The following DGKB variants were observed in gnomAD, a reference collection of about 807,000 sequenced individuals.
DGKB encodes the protein diacylglycerol kinase beta, also known as 90 kDa diacylglycerol kinase.
In DGKB, 67 loss-of-function variants were observed where a neutral mutation model predicts 114.3. That is an observed-to-expected ratio of 0.59 (90% confidence interval 0.48 to 0.72). The LOEUF is 0.72. Ranked by LOEUF, DGKB falls within the 30% of genes least tolerant of loss-of-function variation. The pLI is 0.00. For missense variants in DGKB, 907 were observed against 975.2 expected (o/e 0.93, Z 0.93); for synonymous variants, 398 against 323.1 (o/e 1.23, Z -2.49).
intron 23 of DGKB, among the ~76,000 whole-genome samples, chr7:14,219,136 A>G (rs1414935016): frequency 6.6e-6 from 1 of 151,916 alleles, no homozygotes; most frequent in African/African-American, 2.4e-5. Context: ...ATTTATTTGT[A>G]TGAATATACC....
intron 2 of DGKB, among the ~76,000 whole-genome samples, chr7:14,770,329 T>A (rs1586371036): frequency 6.6e-6 from 1 of 152,010 alleles, no homozygotes; most frequent in African/African-American, 2.4e-5. Flanking sequence ...GTGGTATAGC[T>A]CTGAGAATGT....
chr7:14,336,888 A>C (rs74651820), intron 23 of DGKB, among the ~76,000 whole-genome samples: 2,354 of 152,290 alleles, frequency 0.015, 27 homozygotes, highest in East Asian at 0.032. Flanking sequence ...TTGAGAATCA[A>C]TTTGTATAAG....
chr7:14,587,396 A>C (rs528442368), intron 17 of DGKB, among the ~76,000 whole-genome samples: 1 of 152,240 alleles, frequency 6.6e-6, no homozygotes, highest in African/African-American at 2.4e-5. Flanking sequence ...ATAAGCAAAA[A>C]AAGAGGGTTT....
intron 1 of DGKB, among the ~76,000 whole-genome samples, chr7:14,869,339 C>T (rs1852127616): frequency 1.3e-5 from 2 of 152,158 alleles, no homozygotes; most frequent in South Asian, 2.1e-4. Context: ...CAGGATTATA[C>T]ACTTAAGGTT....
At chr7:14,249,368 G>A (rs1012330079) in intron 23 of DGKB, among the ~76,000 whole-genome samples, 1 of 152,102 alleles carries the variant, frequency 6.6e-6, no homozygotes. Context: ...AAATTAGTCG[G>A]GAGGTATTCC....
chr7:14,828,527 T>A (rs926160948), intron 2 of DGKB, among the ~76,000 whole-genome samples: 36 of 152,080 alleles, frequency 2.4e-4, no homozygotes, highest in African/African-American at 7.0e-4. Context: ...TGAATTCCCC[T>A]CAAAACGACA....
intron 23 of DGKB, among the ~76,000 whole-genome samples, chr7:14,276,654 T>G (rs2128444433): frequency 6.8e-6 from 1 of 147,970 alleles, no homozygotes; most frequent in African/African-American, 2.7e-5. Flanking sequence ...GTTTCTAATT[T>G]TTTGGTGCTT....
intron 1 of DGKB, among the ~76,000 whole-genome samples, chr7:14,912,290 T>C (rs1392553082): frequency 2.0e-5 from 3 of 152,178 alleles, no homozygotes; most frequent in Admixed American, 6.6e-5. Context: ...CCCAGTCCTA[T>C]AGTGGTTTCT....
chr7:14,316,723 C>G (rs923397788), intron 23 of DGKB, among the ~76,000 whole-genome samples: 1 of 150,140 alleles, frequency 6.7e-6, no homozygotes, highest in Non-Finnish European at 1.5e-5. Flanking sequence ...GAATTGGTAC[C>G]ATTCCTTCTG....
At chr7:14,690,705 T>G (rs755564227) in intron 9 of DGKB, among the ~76,000 whole-genome samples, 16 of 152,246 alleles carry the variant, frequency 1.1e-4, no homozygotes, top group Non-Finnish European at 1.8e-4. Context: ...ATAGCCAAAA[T>G]TACTTAATAT....
chr7:14,821,779 G>C (rs938803153), intron 2 of DGKB, among the ~76,000 whole-genome samples: 1 of 152,172 alleles, frequency 6.6e-6, no homozygotes, highest in Admixed American at 6.5e-5. Flanking sequence ...TGGCCTCTCT[G>C]TGTGGAGGAC....
At chr7:14,339,119 A>G (rs1811176327) in intron 22 of DGKB, among the ~76,000 whole-genome samples, 1 of 151,978 alleles carries the variant, frequency 6.6e-6, no homozygotes, top group Non-Finnish European at 1.5e-5. Context: ...ACTGCAAGGT[A>G]CTATTGGGGG....
chr7:14,386,644 C>T (rs1378481995), intron 21 of DGKB, among the ~76,000 whole-genome samples: 1 of 152,174 alleles, frequency 6.6e-6, no homozygotes, highest in Admixed American at 6.5e-5. Flanking sequence ...ATTACTGCTG[C>T]CCTCAGTCTA....
At chr7:14,471,501 A>T (rs926492099) in intron 21 of DGKB, among the ~76,000 whole-genome samples, 8 of 149,950 alleles carry the variant, frequency 5.3e-5, no homozygotes, top group Non-Finnish European at 8.9e-5. Flanking sequence ...TATACTGCTG[A>T]CATATAAATT....
Position 14,288,498 on chromosome 7 carries a change from A to T in DGKB, c.2122+50017T>A, listed in dbSNP as rs527754719. ...TTATGCCTAATTGACAATTGCTGTC[A>T]TTTACTTCTGGCCAACTTAAGAGTC... On this transcript the variant is annotated intron_variant, in intron 23 of 25. Coordinates refer to ENST00000402815, the MANE Select transcript of DGKB (RefSeq NM_001350709.2). Among the ~76,000 whole-genome samples, 10 of 152,152 alleles carry T rather than the reference A, an allele frequency of 6.6e-5. No homozygotes were observed. In the South Asian group the frequency reaches 8.3e-4, roughly 13 times the overall value.
intron 1 of DGKB, among the ~76,000 whole-genome samples, chr7:14,849,104 T>A (rs1849011071): frequency 6.6e-6 from 1 of 152,016 alleles, no homozygotes; most frequent in Non-Finnish European, 1.5e-5. Context: ...CACTTAAAAT[T>A]GATAATTAAG....
At chr7:14,847,290 CAAAA>C (rs369385721) in intron 1 of DGKB, among the ~76,000 whole-genome samples, 2 of 92,920 alleles carry the variant, frequency 2.2e-5, no homozygotes, top group Admixed American at 1.3e-4. Context: ...GACTCCGTCT[CAAAA>C]AAAAAAAAAA....
intron 1 of DGKB, among the ~76,000 whole-genome samples, chr7:14,876,512 C>T (rs1260322570): frequency 6.6e-6 from 1 of 152,236 alleles, no homozygotes; most frequent in Non-Finnish European, 1.5e-5. Context: ...GCCTTTGCAG[C>T]ATCAACTTGG....
upstream of DGKB, among the ~76,000 whole-genome samples, chr7:14,906,111 C>T (rs1783693545): frequency 6.6e-6 from 1 of 151,988 alleles, no homozygotes; most frequent in African/African-American, 2.4e-5. Context: ...CCTGAGGGGG[C>T]TTTCAGGGTC....
Sources: gnomAD v4.1 joint callset for allele counts (sites outside exome capture counted in the v4.1 genomes callset) on GRCh38, gnomAD v4.1.1 for gene constraint, MANE v1.5 for transcripts, NCBI Gene and HGNC (gene_info 2026-07-23, HGNC 2026-07-21) for gene names.